Variants in ATOSA observed in about 807,000 individuals in gnomAD.
ATOSA encodes atos homolog A.
chr15:52,593,066 A>C, the ATOSA span, among the ~76,000 whole-genome samples: 1 of 152,124 alleles, frequency 6.6e-6, no homozygotes, highest in Non-Finnish European at 1.5e-5. Flanking sequence ...GGATGGTTTG[A>C]GGCCAGAAGT....
chr15:52,661,931 C>CAAAAAAAAAAAAAAAAAAAAAAAAGAAAA, the ATOSA span, among the ~76,000 whole-genome samples: 1 of 73,258 alleles, frequency 1.4e-5, no homozygotes, highest in Non-Finnish European at 2.3e-5. Context: ...CAAGCCAGGC[C>CAAAAAAAAAAAAAAAAAAAAAAAAGAAAA]AAAAAAAAAA....
At chr15:52,593,094 T>C in the ATOSA span, among the ~76,000 whole-genome samples, 1 of 151,646 alleles carries the variant, frequency 6.6e-6, no homozygotes, top group Non-Finnish European at 1.5e-5. Context: ...TACAGTGGGC[T>C]ATGACTGCAC....
the ATOSA span, among the ~76,000 whole-genome samples, chr15:52,668,848 A>C: frequency 6.6e-6 from 1 of 151,816 alleles, no homozygotes; most frequent in South Asian, 2.1e-4. Flanking sequence ...GTCACAATTA[A>C]TCTATGAAAA....
At chr15:52,625,879 G>C in the ATOSA span, among the ~76,000 whole-genome samples, 1 of 152,170 alleles carries the variant, frequency 6.6e-6, no homozygotes, top group Non-Finnish European at 1.5e-5. Context: ...GCTCAACTCT[G>C]AAGTCTGTCA....
At chr15:52,620,403 C>A in the ATOSA span, among the ~76,000 whole-genome samples, 1 of 152,100 alleles carries the variant, frequency 6.6e-6, no homozygotes, top group African/African-American at 2.4e-5. Context: ...AACCAGGAGC[C>A]CAGCTGAAGC....
At chr15:52,642,997 A>G in the ATOSA span, among the ~76,000 whole-genome samples, 5 of 151,626 alleles carry the variant, frequency 3.3e-5, no homozygotes, top group Non-Finnish European at 7.4e-5. Flanking sequence ...CTCACCTTCC[A>G]TCACTCCCTT....
At chr15:52,591,204 C>A in the ATOSA span, among the ~76,000 whole-genome samples, 2 of 152,184 alleles carry the variant, frequency 1.3e-5, no homozygotes, top group African/African-American at 4.8e-5. Context: ...AACAGGGACT[C>A]TGTTCACTAA....
At chr15:52,649,446 A>AT in the ATOSA span, 2 of 152,140 alleles carry the variant, frequency 1.3e-5, no homozygotes, top group Non-Finnish European at 2.9e-5. Context: ...TAAGTTACAT[A>AT]TTTTTTAAAG....
At chr15:52,635,534 C>T in the ATOSA span, among the ~76,000 whole-genome samples, 27 of 151,918 alleles carry the variant, frequency 1.8e-4, no homozygotes, top group Admixed American at 6.6e-5. Context: ...CCTCTACACA[C>T]ACACACACAA....
the ATOSA span, among the ~76,000 whole-genome samples, chr15:52,595,703 C>T: frequency 2.0e-5 from 3 of 152,144 alleles, no homozygotes; most frequent in Non-Finnish European, 4.4e-5. Context: ...GTAGATAACA[C>T]ACACACACAT....
the ATOSA span, among the ~76,000 whole-genome samples, chr15:52,615,362 A>C: frequency 6.6e-6 from 1 of 151,832 alleles, no homozygotes; most frequent in Non-Finnish European, 1.5e-5. Context: ...CACACTATTC[A>C]ATTTGTTGTA....
chr15:52,673,191 ATGAGC>A, the ATOSA span, among the ~76,000 whole-genome samples: 2 of 152,216 alleles, frequency 1.3e-5, no homozygotes, highest in Non-Finnish European at 1.5e-5. Flanking sequence ...CAAAATAACC[ATGAGC>A]TGAGGTACTA....
the ATOSA span, among the ~76,000 whole-genome samples, chr15:52,679,766 TCCTCCTC>T: frequency 1.2e-5 from 1 of 81,160 alleles, no homozygotes; most frequent in Non-Finnish European, 2.4e-5. Flanking sequence ...CTCCTCCTCC[TCCTCCTC>T]CTCCTCCTCC....
At chr15:52,630,325 A>G in the ATOSA span, among the ~76,000 whole-genome samples, 1 of 152,226 alleles carries the variant, frequency 6.6e-6, no homozygotes, top group Non-Finnish European at 1.5e-5. Flanking sequence ...GTGCTACACC[A>G]AAGGCACCAC....
chr15:52,607,665 T>C, the ATOSA span, among the ~76,000 whole-genome samples: 2 of 152,150 alleles, frequency 1.3e-5, no homozygotes, highest in African/African-American at 4.8e-5. Flanking sequence ...CCCTATTAGG[T>C]TGGTGCAAAA....
chr15:52,708,861 T>A, the ATOSA span, among the ~76,000 whole-genome samples: 3 of 152,206 alleles, frequency 2.0e-5, no homozygotes, highest in Admixed American at 1.3e-4. Flanking sequence ...GTTGCTTTAC[T>A]AGCACACTGT....
At chr15:52,674,607 C>T in the ATOSA span, among the ~76,000 whole-genome samples, 9 of 152,288 alleles carry the variant, frequency 5.9e-5, no homozygotes, top group Middle Eastern at 3.4e-3. Flanking sequence ...TATACATATA[C>T]TGCAAGTATC....
the ATOSA span, chr15:52,679,479 G>A: frequency 6.6e-6 from 1 of 152,422 alleles, no homozygotes; most frequent in South Asian, 2.1e-4. Flanking sequence ...CGGTTACTAT[G>A]GCAATGCCGC....
the ATOSA span, among the ~76,000 whole-genome samples, chr15:52,686,902 C>T: frequency 6.6e-6 from 1 of 152,332 alleles, no homozygotes; most frequent in Admixed American, 6.5e-5. Context: ...CTTATTTCAA[C>T]TTGCACAGGC....
Sources: gnomAD v4.1 joint callset for allele counts (sites outside exome capture counted in the v4.1 genomes callset) on GRCh38, gnomAD v4.1.1 for gene constraint, MANE v1.5 for transcripts, NCBI Gene and HGNC (gene_info 2026-07-23, HGNC 2026-07-21) for gene names.